Variants in PRDM16 observed in about 807,000 individuals in gnomAD.
PRDM16 encodes histone-lysine N-methyltransferase PRDM16.
A neutral mutation model predicts 110.6 loss-of-function variants in PRDM16; 23 were observed. The ratio of observed to expected loss-of-function variants is 0.21; its 90% CI spans 0.15 to 0.29. PRDM16 has a LOEUF of 0.29. PRDM16 is among the 10% of genes least tolerant of loss of function. The pLI is 1.00. For synonymous variants in PRDM16, 799 were observed against 781.8 expected (o/e 1.02, Z -0.37); for missense variants, 1,615 against 1,794.3 (o/e 0.90, Z 1.81).
intron 10 of PRDM16, among the ~76,000 whole-genome samples, chr1:3,415,667 G>A (rs1557664300): frequency 6.6e-6 from 1 of 152,274 alleles, no homozygotes; most frequent in Non-Finnish European, 1.5e-5. Context: ...CCGGGCGGGA[G>A]AGGCCCACCC....
chr1:3,100,347 T>C (rs1224545300), intron 1 of PRDM16, among the ~76,000 whole-genome samples: 1 of 152,212 alleles, frequency 6.6e-6, no homozygotes, highest in Non-Finnish European at 1.5e-5. Flanking sequence ...CTCCTGTCTT[T>C]AGGTCCTCTA....
chr1:3,191,345 C>G (rs1222211274), intron 2 of PRDM16, among the ~76,000 whole-genome samples: 1 of 152,148 alleles, frequency 6.6e-6, no homozygotes, highest in Non-Finnish European at 1.5e-5. Flanking sequence ...GGGGTCAGCC[C>G]AGAGGCCTTG....
chr1:3,255,602 G>A lies in PRDM16; in HGVS notation c.438+11465G>A, dbSNP rs1394539669. ...AACTCTGTGGCTCGAAACAGCACAC[G>A]GTGCCCCTCCTTATCGCATTCAACT... On this transcript the variant is annotated intron_variant, in intron 3 of 16. Transcript: ENST00000270722. This position sits in a 1 kb window ranked among gnomAD's most constrained non-coding sequence, Gnocchi z 4.7. Among the ~76,000 whole-genome samples, 3 of 152,194 alleles carry A rather than the reference G, an allele frequency of 2.0e-5. No individual in the cohort carries two copies. Among genetic ancestry groups the A allele is most frequent in the South Asian group, 2.1e-4 (1 of 4,832 alleles).
chr1:3,186,131 G>A lies in PRDM16; in HGVS notation c.44G>A (p.Gly15Asp). Residue 15 changes from glycine to aspartate, a missense_variant, in exon 2 of 17, where the codon GGT becomes GAT. Gly to Asp is a moderately conservative substitution (Grantham distance 94). This residue lies in a region of PRDM16 where 416 missense variants were observed against 467.1 expected (regional missense o/e 0.89). Transcript: ENST00000270722. ...GCTGCGTTGTCTCCTTTAGGTGACGGTGACGTTGTAAATAATATGTATGAG... is the reference window on the plus strand; with the variant it reads ...GCTGCGTTGTCTCCTTTAGGTGACGATGACGTTGTAAATAATATGTATGAG... ...ARARKLAKSD[G>D]DVVNNMYEPN... is the part of the protein sequence containing the mutation. The A allele has an allele frequency of 3.7e-6, 6 of 1,612,294 alleles. No homozygotes were observed. Among genetic ancestry groups the A allele is most frequent in the Non-Finnish European group, 5.1e-6 (6 of 1,179,478 alleles).
intron 1 of PRDM16, among the ~76,000 whole-genome samples, chr1:3,087,496 G>A (rs1409762116): frequency 1.3e-5 from 2 of 152,190 alleles, no homozygotes; most frequent in African/African-American, 4.8e-5. Context: ...CTTGTCTGTG[G>A]CGGGCTACTC....
At chr1:3,096,107 C>T (rs576742374) in intron 1 of PRDM16, among the ~76,000 whole-genome samples, 17 of 152,232 alleles carry the variant, frequency 1.1e-4, no homozygotes, top group East Asian at 5.8e-4. Context: ...ATTTGGGGTG[C>T]AGGGTACGCA....
intron 1 of PRDM16, among the ~76,000 whole-genome samples, chr1:3,071,376 C>G (rs781648645): frequency 6.6e-6 from 1 of 152,242 alleles, no homozygotes; most frequent in Non-Finnish European, 1.5e-5. Context: ...GCGGGAGCGC[C>G]GAGCGCTGGC....
chr1:3,234,076 G>A (rs556179468), intron 2 of PRDM16, among the ~76,000 whole-genome samples: 2 of 152,228 alleles, frequency 1.3e-5, no homozygotes, highest in African/African-American at 4.8e-5. Flanking sequence ...GACTTTCGGG[G>A]TTTGCGATTG....
At chr1:3,341,076 G>A (rs535908694) in intron 3 of PRDM16, among the ~76,000 whole-genome samples, 96 of 144,108 alleles carry the variant, frequency 6.7e-4, no homozygotes, top group African/African-American at 2.0e-3. Context: ...CTGAGCCCTC[G>A]TTTCTCCCCC....
chr1:3,077,803 G>A (rs1291187514), intron 1 of PRDM16, among the ~76,000 whole-genome samples: 1 of 152,210 alleles, frequency 6.6e-6, no homozygotes, highest in Non-Finnish European at 1.5e-5. Flanking sequence ...GCTGTAGGCA[G>A]GGCCCGGGCC....
chr1:3,210,280 C>A (rs1273256702), intron 2 of PRDM16, among the ~76,000 whole-genome samples: 1 of 152,192 alleles, frequency 6.6e-6, no homozygotes, highest in Non-Finnish European at 1.5e-5. Flanking sequence ...AACATGAAGG[C>A]AGCTCGAGGC....
chr1:3,161,694 C>T (rs531254713), intron 1 of PRDM16, among the ~76,000 whole-genome samples: 3 of 152,340 alleles, frequency 2.0e-5, no homozygotes, highest in East Asian at 1.9e-4. Context: ...CCAGCAGGCC[C>T]GGCCGCGGGA....
chr1:3,272,495 G>T (rs1388766853), intron 3 of PRDM16, among the ~76,000 whole-genome samples: 1 of 152,158 alleles, frequency 6.6e-6, no homozygotes, highest in Non-Finnish European at 1.5e-5. Context: ...GCTCCTTCCG[G>T]GACCTCGGGG....
chr1:3,396,321 T>C (rs911962197), intron 4 of PRDM16, 170 bp from the exon 5 acceptor site: 3 of 688,798 alleles, frequency 4.4e-6, no homozygotes, highest in East Asian at 2.8e-5. Context: ...CGCAATTCCT[T>C]CTGCGCATAC....
At chr1:3,400,192 G>A (rs10909940) in intron 5 of PRDM16, among the ~76,000 whole-genome samples, 45,663 of 152,108 alleles carry the variant, frequency 0.3, 7,330 homozygotes, top group Non-Finnish European at 0.35. Flanking sequence ...TTCCTTGGAC[G>A]AGCAACTCGG....
chr1:3,411,562 C>T lies in PRDM16; in HGVS notation c.1365C>T (p.Gly455=). Residue 455 remains glycine, a synonymous_variant, in exon 9 of 17, where the codon GGC becomes GGT. Transcript: ENST00000270722. ...GCAAGAACCATTACACGCCGGGCGG[C>T]ATCTTTGCCCCGGGCCTGCCCTTGA... ...CEGKNHYTPG[G]IFAPGLPLTP... 6.2e-7 allele frequency: 1 copy of T among 1,614,136 alleles called. No individual in the cohort carries two copies. The highest frequency in any genetic ancestry group is 1.1e-5 in the South Asian group (1 of 91,086).
chr1:3,272,605 A>G (rs1409612845), intron 3 of PRDM16, among the ~76,000 whole-genome samples: 1 of 152,198 alleles, frequency 6.6e-6, no homozygotes, highest in Non-Finnish European at 1.5e-5. Context: ...GCTCCACCCC[A>G]GCTCCCGTGT....
In PRDM16 at chr1:3,255,974, CAG is replaced by C. The variant is rs539515399; in HGVS notation, c.438+11838_438+11839del. ...ACAGGGTGGAACGAGCTCCGCCTCT[CAG>C]GGGAGGGACAGGATTACGTGGCAGA... is the stretch of plus-strand genomic sequence containing the variant. On this transcript the variant is annotated intron_variant, in intron 3 of 16. Transcript: ENST00000270722. This position sits in a 1 kb window ranked among gnomAD's most constrained non-coding sequence, Gnocchi z 4.7. Among the ~76,000 whole-genome samples the C allele has an allele frequency of 5.9e-5, 9 of 152,188 alleles. No homozygotes were observed. The East Asian group carries it at 9.7e-4, about 16-fold the overall frequency.
chr1:3,241,351 C>T (rs920444068), intron 2 of PRDM16, among the ~76,000 whole-genome samples: 1 of 152,262 alleles, frequency 6.6e-6, no homozygotes, highest in Non-Finnish European at 1.5e-5. Flanking sequence ...GGGGTGACCA[C>T]AGTCCTCAGC....
Sources: gnomAD v4.1 joint callset for allele counts (sites outside exome capture counted in the v4.1 genomes callset) on GRCh38, gnomAD v4.1.1 for gene constraint, gnomAD v4.1.1 regional missense constraint, Gnocchi (gnomAD v3.1) non-coding constraint, MANE v1.5 for transcripts, NCBI Gene and HGNC (gene_info 2026-07-23, HGNC 2026-07-21) for gene names.